The following LETM2 variants were observed in gnomAD, a reference collection of about 807,000 sequenced individuals.
The protein encoded by LETM2 is leucine zipper and EF-hand containing transmembrane protein 2.
A neutral mutation model predicts 59.6 loss-of-function variants in LETM2; 58 were observed. That is an observed-to-expected ratio of 0.97 (90% CI 0.79 to 1.21). LETM2 has a LOEUF of 1.21. Ranked by LOEUF, LETM2 falls within the 50% of genes most tolerant of loss-of-function variation. The pLI is 0.00. For missense variants in LETM2, 572 were observed against 575.7 expected, an observed-to-expected ratio of 0.99 and a Z score of 0.07; for synonymous variants, 199 against 214.1, an observed-to-expected ratio of 0.93 and a Z score of 0.62.
chr8:38,399,102 T>C (rs1812943885), intron 4 of LETM2, among the ~76,000 whole-genome samples: 1 of 152,084 alleles, frequency 6.6e-6, no homozygotes, highest in South Asian at 2.1e-4. Flanking sequence ...ATATCAGTGA[T>C]TCTTATGATT....
At chr8:38,399,803 A>C (rs1813022678) in intron 4 of LETM2, among the ~76,000 whole-genome samples, 1 of 144,764 alleles carries the variant, frequency 6.9e-6, no homozygotes, top group South Asian at 2.2e-4. Context: ...AAAATTAGCC[A>C]GGTGTGGTGG....
chr8:38,383,301 G>A (rs1746522213), upstream of LETM2: 1 of 152,358 alleles, frequency 6.6e-6, no homozygotes, highest in South Asian at 2.1e-4. Context: ...TGGCCCTGCA[G>A]GAGTGTGCCG....
At chr8:38,399,322 C>G (rs1812967563) in intron 4 of LETM2, among the ~76,000 whole-genome samples, 8 of 152,186 alleles carry the variant, frequency 5.3e-5, no homozygotes, top group Admixed American at 4.6e-4. Context: ...GAGCACTTAA[C>G]TCACTGTATT....
Position 38,407,472 on chromosome 8 carries a change from C to T in LETM2, c.1413+9C>T. The T allele has an allele frequency of 1.3e-6, 2 of 1,535,596 alleles. No individual in the cohort carries two copies. Among genetic ancestry groups the T allele is most frequent in the Non-Finnish European group, 1.8e-6 (2 of 1,109,806 alleles). On this transcript the variant is annotated intron_variant, in intron 10 of 10. Coordinates refer to ENST00000379957, the MANE Select transcript of LETM2 (RefSeq NM_001286819.2). ...CTTCTTCTGAAGAACCTGTAAGTATCTTTAATAAATGAAAAAGAAAGAGAA... is the reference window on the plus strand; with the variant it reads ...CTTCTTCTGAAGAACCTGTAAGTATTTTTAATAAATGAAAAAGAAAGAGAA...
At chr8:38,395,662 T>C (rs1055154661) in intron 4 of LETM2, among the ~76,000 whole-genome samples, 1 of 151,966 alleles carries the variant, frequency 6.6e-6, no homozygotes, top group Non-Finnish European at 1.5e-5. Flanking sequence ...AATAGAGGTG[T>C]CCACCACTGC....
chr8:38,387,662 C>T (rs950721786), intron 1 of LETM2, among the ~76,000 whole-genome samples: 9 of 152,022 alleles, frequency 5.9e-5, no homozygotes, highest in African/African-American at 2.2e-4. Context: ...ATTGAAGTTG[C>T]ATTACTAGAT....
rs1813751769 is a variant in LETM2 at position 38,406,754 on chromosome 8, A to AAGAG, written c.1219-190_1219-187dup. 6.3e-6 allele frequency: 3 copies of AAGAG among 475,700 alleles called. No homozygotes were observed. The South Asian group carries it at 1.4e-4, about 22-fold the overall frequency. The allele number at this position is 475,700 out of a possible 1,614,324, so 29.5% of individuals were successfully genotyped here. ...TTGTATATAAAGTACTCAAAACTCA[A>AAGAG]AGAGAAATAATACTAAGTTGCTACA... is the stretch of plus-strand genomic sequence containing the variant. On this transcript the variant is annotated intron_variant, in intron 8 of 10. Transcript: ENST00000379957.
At chr8:38,394,057 C>T (rs1187810268) in intron 3 of LETM2, 41 bp from the exon 4 acceptor site, 5 of 1,360,040 alleles carry the variant, frequency 3.7e-6, no homozygotes, top group South Asian at 1.8e-5. Flanking sequence ...TTTTGGCATG[C>T]CCTAAAATAA....
At chr8:38,392,242 T>C (rs1473932954) in intron 2 of LETM2, among the ~76,000 whole-genome samples, 1 of 151,914 alleles carries the variant, frequency 6.6e-6, no homozygotes, top group Non-Finnish European at 1.5e-5. Flanking sequence ...CTGGCCAATG[T>C]GGTGAAAACC....
upstream of LETM2, among the ~76,000 whole-genome samples, chr8:38,383,972 T>C (rs1811675798): frequency 6.6e-6 from 1 of 152,074 alleles, no homozygotes; most frequent in African/African-American, 2.4e-5. Context: ...TCATTAAATA[T>C]TTTTAAACGT....
At position 38,388,016 on chromosome 8, in the gene LETM2, T is replaced by A. The variant is rs985608355; in HGVS notation, c.33T>A (p.Ala11=). ...TCTACAGTTATAATTCAGTTCTGGC[T>A]ATTGCTCGAACAAGGTAAGCATTGG... is the stretch of plus-strand genomic sequence containing the variant. MAFYSYNSVL[A]IARTRFPSHF... is the part of the protein sequence containing the mutation. Residue 11 remains alanine (A), a synonymous_variant, in exon 2 of 11, where the codon GCT becomes GCA. Transcript: ENST00000379957. 1.6e-5 allele frequency: 25 copies of A among 1,531,510 alleles called. No individual in the cohort carries two copies. Among genetic ancestry groups the A allele is most frequent in the African/African-American group, 2.7e-5 (2 of 72,878 alleles). 94.9% of individuals were successfully genotyped at this position (1,531,510 alleles called of 1,614,324 possible).
intron 4 of LETM2, chr8:38,396,912 T>C (rs1160400011): frequency 3.1e-6 from 1 of 319,134 alleles, no homozygotes; most frequent in Non-Finnish European, 6.2e-6. Context: ...TGAGATCCTG[T>C]TTAAAAAAAA....
intron 2 of LETM2, among the ~76,000 whole-genome samples, chr8:38,388,308 G>A (rs1811938201): frequency 6.6e-6 from 1 of 151,840 alleles, no homozygotes; most frequent in South Asian, 2.1e-4. Flanking sequence ...TGGAACTCCT[G>A]ACCTTAGGTG....
chr8:38,390,240 T>C (rs1373763351), intron 2 of LETM2, among the ~76,000 whole-genome samples: 1 of 151,660 alleles, frequency 6.6e-6, no homozygotes, highest in Non-Finnish European at 1.5e-5. Context: ...CTCAGCTCCT[T>C]GGGAGGCCGA....
intron 4 of LETM2, among the ~76,000 whole-genome samples, chr8:38,397,528 G>C (rs895564950): frequency 5.3e-5 from 8 of 152,194 alleles, no homozygotes; most frequent in African/African-American, 1.9e-4. Context: ...GAGACCACTG[G>C]TTGGTTATTT....
rs753890392 is a variant in LETM2, at chr8:38,404,525, G to T, written c.1218+19G>T. On this transcript the variant is annotated intron_variant, in intron 8 of 10. Transcript: ENST00000379957. ...TGGGGAGGTGAGTACCTGGGTTAAT[G>T]GGGACCCTCGACGTCCATCCAACTG... 2.0e-6 allele frequency: 3 copies of T among 1,523,252 alleles called. No individual in the cohort carries two copies. Among genetic ancestry groups the T allele is most frequent in the Non-Finnish European group, 2.7e-6 (3 of 1,097,178 alleles). The allele number at this position is 1,523,252 out of a possible 1,614,324, so 94.4% of individuals were successfully genotyped here.
At chr8:38,402,501 C>CTCCAT (rs746585160) in intron 6 of LETM2, 24 bp from the exon 7 acceptor site, 1 of 1,612,470 alleles carries the variant, frequency 6.2e-7, no homozygotes, top group Middle Eastern at 1.7e-4. Flanking sequence ...AAAGTTCCAA[C>CTCCAT]TCCATCCCTT....
chr8:38,403,897 C>T (rs1021548500), intron 7 of LETM2, among the ~76,000 whole-genome samples: 5 of 152,150 alleles, frequency 3.3e-5, no homozygotes, highest in African/African-American at 9.7e-5. Flanking sequence ...CTCACTCTGT[C>T]GCCCAGGCTG....
rs796801607 is a variant in LETM2, at chr8:38,391,696, AT to A, written c.48-833del. On this transcript the variant is annotated intron_variant, in intron 2 of 10. Transcript: ENST00000379957. The stretch of plus-strand genomic sequence containing the variant: ...CCCTTAATTGGGGTGCCCAATTCTA[AT>A]TTTTTTTTTTTTGAGACGGTGTCTT... Among the ~76,000 whole-genome samples, 405 of 134,460 alleles carry A rather than the reference AT, an allele frequency of 3.0e-3. 4 individuals are homozygous for A. Among genetic ancestry groups the A allele is most frequent in the Middle Eastern group, 0.019 (4 of 210 alleles). The allele number at this position is 134,460 out of a possible 152,430, so 88.2% of individuals were successfully genotyped here.
Sources: gnomAD v4.1 joint callset for allele counts (sites outside exome capture counted in the v4.1 genomes callset) on GRCh38, gnomAD v4.1.1 for gene constraint, MANE v1.5 for transcripts, NCBI Gene and HGNC (gene_info 2026-07-23, HGNC 2026-07-21) for gene names.